The following NTNG1 variants were observed in gnomAD, a reference collection of about 807,000 sequenced individuals.
NTNG1 encodes the protein netrin G1.
In NTNG1, 16 loss-of-function variants were observed where a neutral mutation model predicts 54.0. The observed-to-expected ratio is 0.30, with a 90% CI of 0.20 to 0.45. The LOEUF (loss-of-function observed/expected upper bound fraction) is 0.45. Among genes scored for constraint, NTNG1 ranks in the 20% least tolerant of loss-of-function variants. NTNG1 has a pLI of 1.00. For synonymous variants in NTNG1, 255 were observed against 263.1 expected (o/e 0.97, Z 0.30); for missense variants, 530 against 678.7 (o/e 0.78, Z 2.43).
intron 3 of NTNG1, chr1:107,331,015 G>A (rs1284268663): frequency 6.6e-6 from 1 of 151,982 alleles, no homozygotes; most frequent in East Asian, 1.9e-4. Flanking sequence ...CAAAATTCTT[G>A]TCAGGTACCT....
intron 2 of NTNG1, among the ~76,000 whole-genome samples, chr1:107,286,424 C>A (rs921242894): frequency 6.6e-6 from 1 of 152,096 alleles, no homozygotes; most frequent in Non-Finnish European, 1.5e-5. Flanking sequence ...AAATAGGAAC[C>A]ATGCAAGGAA....
intron 2 of NTNG1, among the ~76,000 whole-genome samples, chr1:107,175,734 G>C (rs1158363141): frequency 6.6e-6 from 1 of 152,144 alleles, no homozygotes; most frequent in African/African-American, 2.4e-5. Flanking sequence ...AGAGGGCACA[G>C]AGTGAATTTT....
intron 3 of NTNG1, among the ~76,000 whole-genome samples, chr1:107,368,367 A>C (rs1461903914): frequency 3.9e-5 from 6 of 152,100 alleles, no homozygotes; most frequent in Admixed American, 3.9e-4. Flanking sequence ...ATTTAGTACA[A>C]GTTTCTCATT....
intron 2 of NTNG1, among the ~76,000 whole-genome samples, chr1:107,320,563 G>C (rs922811676): frequency 1.3e-5 from 2 of 151,512 alleles, no homozygotes; most frequent in African/African-American, 4.8e-5. Context: ...TACAGATCAC[G>C]CCCTGTGAAA....
intron 3 of NTNG1, among the ~76,000 whole-genome samples, chr1:107,370,609 T>G (rs1347591531): frequency 6.6e-6 from 1 of 151,926 alleles, no homozygotes; most frequent in Non-Finnish European, 1.5e-5. Flanking sequence ...ACACAAAATA[T>G]TTGGTTTTCC....
intron 3 of NTNG1, among the ~76,000 whole-genome samples, chr1:107,340,430 A>T (rs1442136750): frequency 1.3e-5 from 2 of 152,104 alleles, no homozygotes; most frequent in East Asian, 3.9e-4. Context: ...AATGTTATTT[A>T]TGGAAAACAG....
At chr1:107,272,074 T>C (rs1217336582) in intron 2 of NTNG1, among the ~76,000 whole-genome samples, 2 of 152,138 alleles carry the variant, frequency 1.3e-5, no homozygotes, top group Non-Finnish European at 2.9e-5. Flanking sequence ...GGTAAAACAT[T>C]CTTGGTGTTC....
chr1:107,456,064 A>G (rs531646103), intron 7 of NTNG1, among the ~76,000 whole-genome samples: 2 of 152,320 alleles, frequency 1.3e-5, no homozygotes, highest in South Asian at 2.1e-4. Context: ...ACAGTGTCCT[A>G]TGATGATGGG....
In NTNG1 at chr1:107,188,143, A is replaced by AT. The variant is rs59022050; in HGVS notation, c.246+39314dup. On this transcript the variant is annotated intron_variant, in intron 2 of 7. Transcript: ENST00000370068. ...TTTTTAATTACAAAAGTATCAATTG[A>AT]TTTTTTTTTTAAATCAACAGTTCCG... is the stretch of plus-strand genomic sequence containing the variant. Among the ~76,000 whole-genome samples the AT allele has an allele frequency of 3.6e-4, 54 of 150,720 alleles. 1 individual carries two copies. The highest frequency in any genetic ancestry group is 5.3e-4 in the African/African-American group (22 of 41,164).
At chr1:107,353,122 C>G (rs1287933404) in intron 3 of NTNG1, among the ~76,000 whole-genome samples, 1 of 152,166 alleles carries the variant, frequency 6.6e-6, no homozygotes, top group Admixed American at 6.5e-5. Flanking sequence ...TTTTCTTATG[C>G]AAATTTCTGT....
At position 107,484,093 on chromosome 1, in the gene NTNG1, C is replaced by G. The variant is rs115826147; in HGVS notation, c.*3253C>G. On this transcript the variant is annotated 3_prime_UTR_variant, in exon 8 of 8. Coordinates refer to ENST00000370068, the MANE Select transcript of NTNG1 (RefSeq NM_001113226.3). Reference sequence around the variant, plus strand: ...TAGGCCCCCTCTGGGGGTTTAAACTCCTGGAGGCAAGCAACATCCTGAGTG... The same window carrying G: ...TAGGCCCCCTCTGGGGGTTTAAACTGCTGGAGGCAAGCAACATCCTGAGTG... Among the ~76,000 whole-genome samples, 813 of 152,292 alleles carry G rather than the reference C, an allele frequency of 5.3e-3. 9 individuals carry two copies. The highest frequency in any genetic ancestry group is 0.019 in the African/African-American group (770 of 41,558).
At chr1:107,401,902 C>G (rs756183423) in intron 4 of NTNG1, among the ~76,000 whole-genome samples, 2 of 151,902 alleles carry the variant, frequency 1.3e-5, no homozygotes, top group Non-Finnish European at 2.9e-5. Context: ...TGATTATTGA[C>G]GTCATAGGAT....
At chr1:107,237,896 AG>A (rs1661525439) in intron 2 of NTNG1, among the ~76,000 whole-genome samples, 4 of 152,198 alleles carry the variant, frequency 2.6e-5, no homozygotes, top group African/African-American at 9.6e-5. Flanking sequence ...AACCTCTGCT[AG>A]GTCAGTGTGG....
At chr1:107,295,702 G>T (rs1665900816) in intron 2 of NTNG1, among the ~76,000 whole-genome samples, 1 of 151,916 alleles carries the variant, frequency 6.6e-6, no homozygotes, top group Non-Finnish European at 1.5e-5. Context: ...TGTAGCTATT[G>T]TTATGAATGC....
At chr1:107,209,107 C>T (rs572010654) in intron 2 of NTNG1, among the ~76,000 whole-genome samples, 3 of 151,696 alleles carry the variant, frequency 2.0e-5, no homozygotes, top group African/African-American at 7.3e-5. Context: ...TTTTTCTGAG[C>T]TGCATTTTCT....
At chr1:107,379,327 T>G (rs1484481829) in intron 3 of NTNG1, among the ~76,000 whole-genome samples, 1 of 152,228 alleles carries the variant, frequency 6.6e-6, no homozygotes, top group South Asian at 2.1e-4. Context: ...TAAAGACCTA[T>G]AAGACTTCCA....
intron 5 of NTNG1, among the ~76,000 whole-genome samples, chr1:107,420,185 G>T (rs1272675154): frequency 1.3e-5 from 2 of 151,998 alleles, no homozygotes; most frequent in African/African-American, 4.8e-5. Flanking sequence ...TAATTATTTT[G>T]CTGTGCTGTC....
intron 2 of NTNG1, among the ~76,000 whole-genome samples, chr1:107,289,288 C>T (rs1665423134): frequency 6.6e-6 from 1 of 152,122 alleles, no homozygotes. Flanking sequence ...ACCTCATCCC[C>T]ATGTATATGC....
chr1:107,448,519 A>T (rs1676434237), intron 7 of NTNG1, among the ~76,000 whole-genome samples: 1 of 152,098 alleles, frequency 6.6e-6, no homozygotes, highest in South Asian at 2.1e-4. Flanking sequence ...CCACCTGCAG[A>T]CTTACTGATC....
Sources: allele counts gnomAD v4.1 joint callset (sites outside exome capture counted in the v4.1 genomes callset), GRCh38; gene constraint gnomAD v4.1.1; transcripts MANE v1.5; gene names NCBI Gene and HGNC (gene_info 2026-07-23, HGNC 2026-07-21).